The following KLHL18 variants were observed in gnomAD, a reference collection of about 807,000 sequenced individuals.
KLHL18 encodes the protein kelch like family member 18.
Under a neutral mutation model 58.5 loss-of-function variants are expected in KLHL18, and 38 were observed. The ratio of observed to expected loss-of-function variants is 0.65; its 90% CI spans 0.50 to 0.85. The LOEUF (loss-of-function observed/expected upper bound fraction) is 0.85, where lower values mean the gene tolerates loss of function less well. Ranked by LOEUF, KLHL18 falls within the 40% of genes least tolerant of loss-of-function variation. The pLI is 0.00. For missense variants in KLHL18, 624 were observed against 778.4 expected (o/e 0.80, Z 2.36); for synonymous variants, 303 against 301.9 (o/e 1.00, Z -0.04).
intron 2 of KLHL18, among the ~76,000 whole-genome samples, chr3:47,320,228 T>C (rs1703554124): frequency 6.6e-6 from 1 of 152,230 alleles, no homozygotes; most frequent in African/African-American, 2.4e-5. Context: ...TTCTTTCTAT[T>C]TGTATTGCCC....
intron 1 of KLHL18, among the ~76,000 whole-genome samples, chr3:47,285,104 A>T (rs1037154809): frequency 6.6e-6 from 1 of 152,102 alleles, no homozygotes; most frequent in Non-Finnish European, 1.5e-5. Context: ...TGAGCCACCA[A>T]GCCCGGCCCT....
intron 8 of KLHL18, 144 bp from the exon 9 acceptor site, chr3:47,342,575 G>A (rs1316607294): frequency 1.5e-6 from 1 of 653,272 alleles, no homozygotes; most frequent in Non-Finnish European, 2.7e-6. Flanking sequence ...GGCAGCCAGG[G>A]AGAACTGTCA....
At chr3:47,330,987 C>T (rs1703844996) in intron 4 of KLHL18, among the ~76,000 whole-genome samples, 1 of 152,088 alleles carries the variant, frequency 6.6e-6, no homozygotes, top group Non-Finnish European at 1.5e-5. Context: ...CCATCTTGGC[C>T]TCCCAAAGTG....
At chr3:47,322,418 T>G in intron 2 of KLHL18, 150 bp from the exon 3 acceptor site, 30 of 568,568 alleles carry the variant, frequency 5.3e-5, no homozygotes, top group Non-Finnish European at 6.0e-5. Flanking sequence ...CTTGGTAGAA[T>G]GAGTTTTAGG....
In KLHL18 at chr3:47,314,100, A is replaced by G. The variant is rs566559966; in HGVS notation, c.130-5553A>G. ...TTGCCCAGGCTGGAGTGCAGTGACA[A>G]TTATAGCTCACTGCAACCTTGAACT... On this transcript the variant is annotated intron_variant, in intron 1 of 9. Transcript: ENST00000232766. 2.6e-5 allele frequency among the ~76,000 whole-genome samples: 4 copies of G among 152,052 alleles called. No homozygotes were observed. The South Asian group carries it at 8.3e-4, about 32-fold the overall frequency.
chr3:47,326,823 A>G (rs1703733563), intron 3 of KLHL18, among the ~76,000 whole-genome samples: 1 of 151,818 alleles, frequency 6.6e-6, no homozygotes, highest in Non-Finnish European at 1.5e-5. Flanking sequence ...CGGGAGGGTG[A>G]GGCAGGAGAA....
intron 1 of KLHL18, among the ~76,000 whole-genome samples, chr3:47,309,604 C>T (rs563362604): frequency 2.0e-5 from 3 of 152,292 alleles, no homozygotes; most frequent in East Asian, 1.9e-4. Flanking sequence ...GGTTGGCGGC[C>T]GGGCAGAGGC....
At chr3:47,309,700 C>A (rs931492028) in intron 1 of KLHL18, among the ~76,000 whole-genome samples, 29 of 152,354 alleles carry the variant, frequency 1.9e-4, no homozygotes, top group African/African-American at 6.7e-4. Context: ...TGCACTCCAG[C>A]CTGGGCAACA....
intron 1 of KLHL18, among the ~76,000 whole-genome samples, chr3:47,285,863 C>T (rs981151191): frequency 2.0e-5 from 3 of 152,126 alleles, no homozygotes; most frequent in Non-Finnish European, 4.4e-5. Flanking sequence ...GCTTGGGCAA[C>T]GTGGTGAAAC....
chr3:47,288,542 C>T (rs564361347), intron 1 of KLHL18, among the ~76,000 whole-genome samples: 1 of 152,182 alleles, frequency 6.6e-6, no homozygotes, highest in African/African-American at 2.4e-5. Context: ...TTAGGGAGAA[C>T]GTGAAAATAA....
At chr3:47,304,420 A>G (rs115746415) in intron 1 of KLHL18, among the ~76,000 whole-genome samples, 21 of 152,170 alleles carry the variant, frequency 1.4e-4, no homozygotes, top group African/African-American at 5.1e-4. Context: ...GGAGGATTGC[A>G]TGAGCCCAGG....
At chr3:47,324,125 C>T (rs1703652105) in intron 3 of KLHL18, among the ~76,000 whole-genome samples, 2 of 151,896 alleles carry the variant, frequency 1.3e-5, no homozygotes, top group Admixed American at 6.6e-5. Context: ...CCAACCTTGT[C>T]CCTGCTGTGG....
intron 3 of KLHL18, among the ~76,000 whole-genome samples, chr3:47,326,653 C>T (rs374421909): frequency 6.6e-6 from 1 of 152,158 alleles, no homozygotes; most frequent in African/African-American, 2.4e-5. Context: ...TACGTTGACT[C>T]ACGCCTGTAA....
intron 9 of KLHL18, among the ~76,000 whole-genome samples, chr3:47,343,230 C>G (rs964389529): frequency 3.9e-5 from 6 of 152,342 alleles, no homozygotes; most frequent in Middle Eastern, 6.8e-3. Flanking sequence ...ATTCCATAGT[C>G]AGTCAGTGCT....
chr3:47,314,605 T>A (rs2107618112), intron 1 of KLHL18, among the ~76,000 whole-genome samples: 1 of 152,234 alleles, frequency 6.6e-6, no homozygotes, highest in African/African-American at 2.4e-5. Flanking sequence ...AGAGCTCGGA[T>A]TACAGGCATG....
chr3:47,294,577 AG>A (rs1702857069), intron 1 of KLHL18, among the ~76,000 whole-genome samples: 1 of 152,216 alleles, frequency 6.6e-6, no homozygotes. Context: ...GGAAACAGCA[AG>A]AAGCCAGAAT....
At chr3:47,299,826 C>CAAA (rs55695849) in intron 1 of KLHL18, among the ~76,000 whole-genome samples, 4 of 43,784 alleles carry the variant, frequency 9.1e-5, no homozygotes, top group African/African-American at 3.1e-4. Context: ...TACTGTGTCT[C>CAAA]AAAAAAAAAA....
intron 4 of KLHL18, among the ~76,000 whole-genome samples, chr3:47,330,803 T>C (rs1463262758): frequency 1.3e-5 from 2 of 152,092 alleles, no homozygotes; most frequent in African/African-American, 4.8e-5. Context: ...CGATCTTGGC[T>C]CACTGCAACC....
chr3:47,296,681 A>G (rs1199163797), intron 1 of KLHL18, among the ~76,000 whole-genome samples: 2 of 152,198 alleles, frequency 1.3e-5, no homozygotes, highest in Non-Finnish European at 2.9e-5. Flanking sequence ...TGCAAGATGA[A>G]TAGGACTTTG....
Sources: allele counts gnomAD v4.1 joint callset (sites outside exome capture counted in the v4.1 genomes callset), GRCh38; gene constraint gnomAD v4.1.1; transcripts MANE v1.5; gene names NCBI Gene and HGNC (gene_info 2026-07-23, HGNC 2026-07-21).